Variants in CASP8 observed in about 807,000 individuals in gnomAD.
CASP8 encodes caspase 8, also known as caspase-8.
In CASP8, 24 loss-of-function variants were observed where a neutral mutation model predicts 46.3. The observed-to-expected ratio is 0.52, with a 90% CI of 0.38 to 0.73. CASP8 has a LOEUF of 0.73. Ranked by LOEUF, CASP8 falls within the 30% of genes least tolerant of loss-of-function variation. The pLI is 0.00. For missense variants in CASP8, 460 were observed against 559.0 expected (o/e 0.82, Z 1.79); for synonymous variants, 188 against 200.4 (o/e 0.94, Z 0.52).
At position 201,270,026 on chromosome 2, in the gene CASP8, TTC is replaced by T. The variant is rs569955987; in HGVS notation, c.306-1488_306-1487del. 2.2e-3 allele frequency among the ~76,000 whole-genome samples: 342 copies of T among 152,326 alleles called. 4 individuals are homozygous for T. Among genetic ancestry groups the T allele is most frequent in the African/African-American group, 8.1e-3 (336 of 41,574 alleles). ...AAGGCAGATGGTAATACTGAGTAAT[TTC>T]TGTTTCTACGCCATTTTTATTTTCA... On this transcript the variant is annotated intron_variant, in intron 2 of 8. Coordinates refer to ENST00000673742, the MANE Select transcript of CASP8 (RefSeq NM_001372051.1).
At chr2:201,279,665 C>T (rs1033348780) in intron 7 of CASP8, among the ~76,000 whole-genome samples, 9 of 152,204 alleles carry the variant, frequency 5.9e-5, no homozygotes, top group Middle Eastern at 6.8e-3. Flanking sequence ...GGCTCTAATA[C>T]GAAAGAGAGG....
rs1949586694 is a variant in CASP8, at chr2:201,286,826, A to G, written c.*232A>G. The G allele has an allele frequency of 2.4e-6, 1 of 424,520 alleles. No homozygotes were observed. The highest frequency in any genetic ancestry group is 3.5e-5 in the Admixed American group (1 of 28,532). The allele number at this position is 424,520 out of a possible 1,614,324, so 26.3% of individuals were successfully genotyped here. A position where few individuals can be genotyped will look rare whatever the true frequency, so the allele number is the denominator to read the frequency against. ...AGTAGAGACAGGGTTTCACTGTGTT[A>G]GCCAGGGTGGTCTTGATCTCCTGAC... On this transcript the variant is annotated 3_prime_UTR_variant, in exon 9 of 9. Transcript: ENST00000673742.
intron 2 of CASP8, among the ~76,000 whole-genome samples, chr2:201,249,514 C>T (rs943983322): frequency 1.3e-5 from 2 of 152,204 alleles, no homozygotes; most frequent in Non-Finnish European, 2.9e-5. Context: ...TTGCCATCTG[C>T]GTATCTTTTT....
chr2:201,247,213 A>AAAG (rs1288637154), intron 2 of CASP8, among the ~76,000 whole-genome samples: 2 of 137,026 alleles, frequency 1.5e-5, no homozygotes, highest in Non-Finnish European at 3.2e-5. Context: ...AAAAAAAAAA[A>AAAG]AAGAAGAATT....
intron 5 of CASP8, among the ~76,000 whole-genome samples, chr2:201,273,929 C>T (rs1948462077): frequency 1.3e-5 from 2 of 152,046 alleles, no homozygotes; most frequent in Admixed American, 6.5e-5. Context: ...CCTACCTGGG[C>T]CTCCCAAAGT....
At chr2:201,279,745 G>A (rs921714390) in intron 7 of CASP8, among the ~76,000 whole-genome samples, 1 of 152,166 alleles carries the variant, frequency 6.6e-6, no homozygotes, top group Non-Finnish European at 1.5e-5. Flanking sequence ...CTGAGGTCAG[G>A]AGTTCAAGCC....
At chr2:201,258,361 G>A (rs2125048240), upstream of CASP8, 2 of 1,613,950 alleles carry the variant, frequency 1.2e-6, no homozygotes, top group South Asian at 1.1e-5. Flanking sequence ...GACTGCGATG[G>A]TGCCAGGAAA....
At chr2:201,237,680 G>A (rs192236583) in intron 2 of CASP8, among the ~76,000 whole-genome samples, 186 of 152,120 alleles carry the variant, frequency 1.2e-3, no homozygotes, top group Non-Finnish European at 2.1e-3. Flanking sequence ...CACACTCCCC[G>A]CAAGAATGCA....
chr2:201,286,180 AC>A (rs1315057782), intron 8 of CASP8, among the ~76,000 whole-genome samples: 2 of 152,220 alleles, frequency 1.3e-5, no homozygotes, highest in East Asian at 3.9e-4. Flanking sequence ...AGAGTGAGAG[AC>A]ACACAGGTCA....
intron 1 of CASP8, among the ~76,000 whole-genome samples, chr2:201,261,582 G>T (rs909884152): frequency 6.6e-6 from 1 of 152,124 alleles, no homozygotes; most frequent in East Asian, 1.9e-4. Flanking sequence ...CCTTTGCTGG[G>T]TTGTTTGAAT....
intron 2 of CASP8, chr2:201,242,366 G>T (rs1322091133): frequency 1.3e-5 from 2 of 152,146 alleles, no homozygotes; most frequent in African/African-American, 4.8e-5. Context: ...CAAGTAGCTA[G>T]CAGATTTGCT....
At chr2:201,247,624 G>A (rs900114062) in intron 2 of CASP8, among the ~76,000 whole-genome samples, 8 of 150,856 alleles carry the variant, frequency 5.3e-5, no homozygotes, top group South Asian at 2.1e-4. Flanking sequence ...GACTACAAGC[G>A]TGTGCCACCA....
At chr2:201,250,629 C>T (rs1480225642) in intron 2 of CASP8, among the ~76,000 whole-genome samples, 1 of 152,192 alleles carries the variant, frequency 6.6e-6, no homozygotes, top group Non-Finnish European at 1.5e-5. Context: ...TAGAAACCAC[C>T]CCCAAGATCC....
At chr2:201,275,191 T>C (rs1948553758) in intron 6 of CASP8, among the ~76,000 whole-genome samples, 1 of 152,182 alleles carries the variant, frequency 6.6e-6, no homozygotes, top group Non-Finnish European at 1.5e-5. Flanking sequence ...GAGATGAAGA[T>C]ACTGGAATAG....
chr2:201,274,559 C>T (rs1948501595), intron 5 of CASP8, among the ~76,000 whole-genome samples: 1 of 152,232 alleles, frequency 6.6e-6, no homozygotes, highest in Non-Finnish European at 1.5e-5. Context: ...ACTGCAACCA[C>T]TACCTCCCAA....
At chr2:201,249,801 A>C (rs1003739234) in intron 2 of CASP8, among the ~76,000 whole-genome samples, 44 of 152,124 alleles carry the variant, frequency 2.9e-4, no homozygotes, top group African/African-American at 1.1e-3. Context: ...TCCCCTCCCC[A>C]CACTTTCCCG....
At chr2:201,242,718 G>T (rs1559329694) in intron 2 of CASP8, 1 of 151,968 alleles carries the variant, frequency 6.6e-6, no homozygotes, top group Non-Finnish European at 1.5e-5. Context: ...ACCACAAATA[G>T]CTAAATCAGT....
At chr2:201,274,763 C>T (rs1192292829) in intron 5 of CASP8, 126 bp from the exon 6 acceptor site, 1 of 783,802 alleles carries the variant, frequency 1.3e-6, no homozygotes, top group Non-Finnish European at 2.2e-6. Flanking sequence ...CGGCGTGAGC[C>T]CCTGTTCCCA....
intron 1 of CASP8, among the ~76,000 whole-genome samples, chr2:201,264,739 G>A (rs1400767444): frequency 6.6e-6 from 1 of 152,176 alleles, no homozygotes; most frequent in African/African-American, 2.4e-5. Context: ...GGCTGAGGTG[G>A]GAGGATGGCT....
Sources: gnomAD v4.1 joint callset for allele counts (sites outside exome capture counted in the v4.1 genomes callset) on GRCh38, gnomAD v4.1.1 for gene constraint, MANE v1.5 for transcripts, NCBI Gene and HGNC (gene_info 2026-07-23, HGNC 2026-07-21) for gene names.